ANKS6: variants seen among roughly 807,000 people sequenced by gnomAD.
The protein encoded by ANKS6 is ankyrin repeat and sterile alpha motif domain containing 6, also known as ankyrin repeat and SAM domain-containing protein 6.
In ANKS6, 47 loss-of-function variants were observed where a neutral mutation model predicts 77.9. The observed-to-expected ratio is 0.60, with a 90% confidence interval of 0.48 to 0.77. The LOEUF is 0.77. Among genes scored for constraint, ANKS6 ranks in the 30% least tolerant of loss-of-function variants. ANKS6 has a pLI of 0.00. For missense variants in ANKS6, 1,150 were observed against 1,159.1 expected (o/e 0.99, Z 0.11); for synonymous variants, 488 against 501.7 (o/e 0.97, Z 0.37).
intron 13 of ANKS6, among the ~76,000 whole-genome samples, chr9:98,747,688 G>A (rs1362264388): frequency 6.6e-6 from 1 of 152,056 alleles, no homozygotes; most frequent in Non-Finnish European, 1.5e-5. Context: ...CAGCGATTCT[G>A]ACATCCTCAG....
At chr9:98,774,202 C>T (rs761039576) in intron 8 of ANKS6, 122 bp from the exon 9 acceptor site, 45 of 880,698 alleles carry the variant, frequency 5.1e-5, no homozygotes, top group Admixed American at 2.4e-4. Flanking sequence ...CCACCCAAGC[C>T]GGGAGCTATG....
At chr9:98,774,231 TC>T in intron 8 of ANKS6, 151 bp from the exon 9 acceptor site, 1 of 591,060 alleles carries the variant, frequency 1.7e-6, no homozygotes, top group Non-Finnish European at 2.6e-6. Flanking sequence ...ACAGCTCTCC[TC>T]CCAGTAACCG....
chr9:98,783,156 C>T (rs754339378), intron 4 of ANKS6, among the ~76,000 whole-genome samples: 171 of 151,916 alleles, frequency 1.1e-3, no homozygotes, highest in Non-Finnish European at 1.6e-3. Flanking sequence ...GGAGAGGAGA[C>T]AAAACCAACA....
chr9:98,796,345 C>A lies in ANKS6; in HGVS notation c.147G>T (p.Pro49=). 2.6e-6 allele frequency: 3 copies of A among 1,169,172 alleles called. No individual in the cohort carries two copies. The highest frequency in any genetic ancestry group is 3.2e-6 in the Non-Finnish European group (3 of 949,082). The allele number at this position is 1,169,172 out of a possible 1,614,324, so 72.4% of individuals were successfully genotyped here. A position where few individuals can be genotyped will look rare whatever the true frequency, so the allele number is the denominator to read the frequency against. Residue 49 remains proline, a synonymous_variant, in exon 1 of 15, where the codon CCG becomes CCT. Coordinates refer to ENST00000353234, the MANE Select transcript of ANKS6 (RefSeq NM_173551.5). The part of the protein sequence containing the change: ...RGAEPEAGAE[P]AGAEVAGPGA... The stretch of plus-strand genomic sequence containing the variant: ...CGGGCCCGGCCACCTCGGCCCCCGC[C>A]GGCTCCGCGCCCGCCTCCGGCTCCG...
At chr9:98,770,764 C>T (rs1833574753) in intron 10 of ANKS6, 132 bp downstream of exon 10, 1 of 978,152 alleles carries the variant, frequency 1.0e-6, no homozygotes, top group Non-Finnish European at 1.3e-6. Flanking sequence ...AATCTCTTAG[C>T]CACATTAAGG....
chr9:98,788,655 C>T (rs1471039854), intron 2 of ANKS6, among the ~76,000 whole-genome samples: 2 of 152,238 alleles, frequency 1.3e-5, no homozygotes, highest in Admixed American at 6.5e-5. Context: ...TCACCACCAC[C>T]CCGTAGTAGT....
chr9:98,789,918 G>A (rs185590611), intron 2 of ANKS6, 186 bp downstream of exon 2: 3 of 821,840 alleles, frequency 3.7e-6, no homozygotes, highest in East Asian at 2.8e-5. Context: ...TGCAGAGAGT[G>A]GGCCCAGAAC....
intron 14 of ANKS6, among the ~76,000 whole-genome samples, chr9:98,739,664 T>A (rs557015363): frequency 2.6e-5 from 4 of 152,252 alleles, no homozygotes; most frequent in East Asian, 3.9e-4. Flanking sequence ...AGGAATTTTT[T>A]AAAAATTAAT....
At position 98,796,195 on chromosome 9, in the gene ANKS6, G is replaced by C; in HGVS notation, c.297C>G (p.Arg99=). ...TGCGGCTGTTGACCGAGGCACCGCG[G>C]CGCAGCAGGAAGCGCACCAGCGGTT... is the stretch of plus-strand genomic sequence containing the variant. ...GHEPLVRFLL[R]RGASVNSRNH... The change falls in exon 1 of 15, where the codon CGC becomes CGG. Residue 99 remains arginine (R), a synonymous_variant. Transcript: ENST00000353234. 1 of 1,418,974 alleles carries C rather than the reference G, an allele frequency of 7.0e-7. No homozygotes were observed. 87.9% of individuals were successfully genotyped at this position (1,418,974 alleles called of 1,614,324 possible).
At chr9:98,740,967 C>A (rs1197362961) in intron 14 of ANKS6, among the ~76,000 whole-genome samples, 1 of 152,212 alleles carries the variant, frequency 6.6e-6, no homozygotes, top group African/African-American at 2.4e-5. Flanking sequence ...CACACACTCA[C>A]AGCTAGTGGA....
chr9:98,736,013 G>T lies in ANKS6; in HGVS notation c.*506C>A, dbSNP rs1484019378. 1 of 1,210,980 alleles carries T rather than the reference G, an allele frequency of 8.3e-7. No individual in the cohort carries two copies. Among genetic ancestry groups the T allele is most frequent in the Non-Finnish European group, 1.0e-6 (1 of 975,468 alleles). 75.0% of individuals were successfully genotyped at this position (1,210,980 alleles called of 1,614,324 possible). On this transcript the variant is annotated 3_prime_UTR_variant, in exon 15 of 15. Coordinates refer to ENST00000353234, the MANE Select transcript of ANKS6 (RefSeq NM_173551.5). ...ACCATAATACATACCCCCCATCTAA[G>T]TCAAAAGTTGTTGCTGGGAAGCCAC...
intron 12 of ANKS6, among the ~76,000 whole-genome samples, chr9:98,752,829 A>G (rs190993065): frequency 8.9e-4 from 136 of 152,302 alleles, no homozygotes; most frequent in Middle Eastern, 3.4e-3. Flanking sequence ...GTGAAGAGCA[A>G]CAACAGGGGG....
chr9:98,739,877 T>C (rs1366798238), intron 14 of ANKS6, among the ~76,000 whole-genome samples: 2 of 148,942 alleles, frequency 1.3e-5, no homozygotes, highest in Admixed American at 1.3e-4. Context: ...TGCCTCAGCC[T>C]CCCGAGTAGC....
rs1040376013 is a variant in ANKS6 at position 98,733,195 on chromosome 9, G to A, written c.*3324C>T. On this transcript the variant is annotated 3_prime_UTR_variant, in exon 15 of 15. Transcript: ENST00000353234. ...CAGGGTAGATGCTCAGTAAACGTTC[G>A]GTAAACAAAAGAATTAAAAAATAAA... is the stretch of plus-strand genomic sequence containing the variant. 2.9e-5 allele frequency: 29 copies of A among 984,796 alleles called. No homozygotes were observed. The highest frequency in any genetic ancestry group is 3.5e-5 in the Non-Finnish European group (29 of 829,524). 61.0% of individuals were successfully genotyped at this position (984,796 alleles called of 1,614,324 possible). A position where few individuals can be genotyped will look rare whatever the true frequency, so the allele number is the denominator to read the frequency against.
chr9:98,787,034 G>A (rs1022762082), intron 2 of ANKS6, among the ~76,000 whole-genome samples: 3 of 152,328 alleles, frequency 2.0e-5, no homozygotes, highest in Non-Finnish European at 2.9e-5. Flanking sequence ...GGGAGTCAGA[G>A]GTGTCGCAAT....
chr9:98,784,242 G>A (rs1432566680), intron 3 of ANKS6, 85 bp from the exon 4 acceptor site: 2 of 1,278,672 alleles, frequency 1.6e-6, no homozygotes, highest in Admixed American at 2.8e-5. Context: ...ACAAACACTT[G>A]CTGGCCCTGC....
At chr9:98,787,222 CT>C in intron 2 of ANKS6, among the ~76,000 whole-genome samples, 1 of 152,258 alleles carries the variant, frequency 6.6e-6, no homozygotes, top group South Asian at 2.1e-4. Flanking sequence ...CTACCTGGGG[CT>C]CTTCCCAGGG....
chr9:98,789,558 G>T (rs1447409862), intron 2 of ANKS6, among the ~76,000 whole-genome samples: 2 of 152,070 alleles, frequency 1.3e-5, no homozygotes, highest in Non-Finnish European at 2.9e-5. Context: ...TGTAGAACAA[G>T]GGCTGGCAAA....
At chr9:98,760,092 T>C (rs928290486) in intron 11 of ANKS6, among the ~76,000 whole-genome samples, 3 of 152,022 alleles carry the variant, frequency 2.0e-5, no homozygotes, top group Admixed American at 1.3e-4. Flanking sequence ...ACCCCCTAAA[T>C]ATGTACAATT....
Sources: gnomAD v4.1 joint callset for allele counts (sites outside exome capture counted in the v4.1 genomes callset) on GRCh38, gnomAD v4.1.1 for gene constraint, MANE v1.5 for transcripts, NCBI Gene and HGNC (gene_info 2026-07-23, HGNC 2026-07-21) for gene names.